The following SLC1A2 variants were observed in gnomAD, a reference collection of about 807,000 sequenced individuals.
SLC1A2 encodes solute carrier family 1 member 2, also known as excitatory amino acid transporter 2.
In SLC1A2, 15 loss-of-function variants were observed where a neutral mutation model predicts 48.8. That is an observed-to-expected ratio of 0.31 (90% CI 0.21 to 0.47). The LOEUF (loss-of-function observed/expected upper bound fraction) is 0.47. SLC1A2 is among the 20% of genes least tolerant of loss of function. The probability of loss-of-function intolerance (pLI) is 0.99; values close to 1 mark genes in which losing one functional copy is unlikely to be tolerated. For missense variants in SLC1A2, 502 were observed against 730.5 expected (o/e 0.69, Z 3.61); for synonymous variants, 279 against 272.6 (o/e 1.02, Z -0.23).
intron 1 of SLC1A2, among the ~76,000 whole-genome samples, chr11:35,345,625 T>C (rs915493369): frequency 6.6e-5 from 10 of 152,052 alleles, no homozygotes; most frequent in African/African-American, 1.7e-4. Flanking sequence ...AATCACACCA[T>C]GAAATACCCA....
At chr11:35,292,623 G>T in intron 6 of SLC1A2, 103 bp from the exon 7 acceptor site, 1 of 653,474 alleles carries the variant, frequency 1.5e-6, no homozygotes, top group Non-Finnish European at 2.6e-6. Context: ...TGGCTCTTCT[G>T]TACAAAAAAA....
At chr11:35,352,965 G>A (rs12294219) in intron 1 of SLC1A2, among the ~76,000 whole-genome samples, 34,087 of 152,034 alleles carry the variant, frequency 0.22, 5,699 homozygotes, top group African/African-American at 0.47. Flanking sequence ...CAATATAAAA[G>A]CAATGACAAT....
At chr11:35,278,450 T>C (rs764095813) in intron 9 of SLC1A2, among the ~76,000 whole-genome samples, 2 of 151,900 alleles carry the variant, frequency 1.3e-5, no homozygotes, top group African/African-American at 4.8e-5. Flanking sequence ...TAATTATTTT[T>C]GCATTTTTGG....
intron 9 of SLC1A2, among the ~76,000 whole-genome samples, chr11:35,270,071 C>A (rs536479942): frequency 6.6e-6 from 1 of 152,174 alleles, no homozygotes; most frequent in Non-Finnish European, 1.5e-5. Context: ...TGTGCCATTG[C>A]ACTCCAGCCT....
intron 8 of SLC1A2, chr11:35,285,576 A>T (rs1483123820): frequency 6.6e-6 from 1 of 152,196 alleles, no homozygotes; most frequent in Non-Finnish European, 1.5e-5. Context: ...GATCACATAG[A>T]ATCTGAGAGG....
chr11:35,409,661 C>A (rs1264922798), intron 1 of SLC1A2, among the ~76,000 whole-genome samples: 1 of 152,150 alleles, frequency 6.6e-6, no homozygotes, highest in Non-Finnish European at 1.5e-5. Context: ...ATAATCTCAG[C>A]ACTTTGGGAG....
intron 1 of SLC1A2, among the ~76,000 whole-genome samples, chr11:35,324,420 G>C (rs1852173989): frequency 6.6e-6 from 1 of 152,156 alleles, no homozygotes; most frequent in African/African-American, 2.4e-5. Flanking sequence ...TAGTCATTTG[G>C]ACAAACCATG....
chr11:35,292,107 A>G, intron 7 of SLC1A2, 180 bp downstream of exon 7: 1 of 603,980 alleles, frequency 1.7e-6, no homozygotes, highest in Non-Finnish European at 3.0e-6. Context: ...GTTCACCAGA[A>G]GGCTCAGAAG....
chr11:35,276,540 G>T (rs1257053165), intron 9 of SLC1A2, among the ~76,000 whole-genome samples: 1 of 152,130 alleles, frequency 6.6e-6, no homozygotes, highest in African/African-American at 2.4e-5. Flanking sequence ...GCAAGTGTAA[G>T]CATGTGAGCA....
intron 9 of SLC1A2, among the ~76,000 whole-genome samples, chr11:35,268,011 T>C (rs536880857): frequency 6.6e-6 from 1 of 152,316 alleles, no homozygotes; most frequent in East Asian, 1.9e-4. Context: ...CTCTTTTCCC[T>C]CCAGTCTGCA....
chr11:35,411,542 A>G (rs1855461125), intron 1 of SLC1A2, among the ~76,000 whole-genome samples: 1 of 152,086 alleles, frequency 6.6e-6, no homozygotes, highest in Non-Finnish European at 1.5e-5. Context: ...TGCAGCCCCC[A>G]ACTCCCACGC....
intron 1 of SLC1A2, among the ~76,000 whole-genome samples, chr11:35,366,211 A>G (rs1319053787): frequency 6.6e-6 from 1 of 152,202 alleles, no homozygotes; most frequent in Non-Finnish European, 1.5e-5. Flanking sequence ...ATCCCTGAAG[A>G]CGTCCTTTGC....
At chr11:35,311,551 C>G (rs1851688460) in intron 4 of SLC1A2, among the ~76,000 whole-genome samples, 1 of 152,166 alleles carries the variant, frequency 6.6e-6, no homozygotes, top group African/African-American at 2.4e-5. Flanking sequence ...ATAAGTAGCT[C>G]TAGAGAAGGG....
chr11:35,289,093 T>C (rs2134730486), intron 7 of SLC1A2, among the ~76,000 whole-genome samples: 1 of 152,352 alleles, frequency 6.6e-6, no homozygotes, highest in Admixed American at 6.5e-5. Context: ...ATGCTTCTTT[T>C]GTTTTTTAAG....
intron 1 of SLC1A2, among the ~76,000 whole-genome samples, chr11:35,357,167 G>T (rs1208138320): frequency 1.3e-5 from 2 of 151,372 alleles, no homozygotes; most frequent in Non-Finnish European, 2.9e-5. Context: ...TGAGGCAGGA[G>T]AATTGCTTGA....
At chr11:35,360,678 G>A (rs1853647504) in intron 1 of SLC1A2, among the ~76,000 whole-genome samples, 1 of 151,960 alleles carries the variant, frequency 6.6e-6, no homozygotes, top group Non-Finnish European at 1.5e-5. Flanking sequence ...ATTTACTCCT[G>A]GATTTTGTGG....
At chr11:35,351,136 A>G (rs1286912313) in intron 1 of SLC1A2, among the ~76,000 whole-genome samples, 4 of 152,226 alleles carry the variant, frequency 2.6e-5, no homozygotes, top group Non-Finnish European at 5.9e-5. Context: ...CCAGTGAAAT[A>G]CATAATACCA....
At chr11:35,322,879 C>T in intron 1 of SLC1A2, 1 of 634,288 alleles carries the variant, frequency 1.6e-6, no homozygotes, top group Non-Finnish European at 2.8e-6. Context: ...TTTAAAAGGG[C>T]CTGAAACTCT....
At chr11:35,415,510 T>C (rs1254147152) in intron 1 of SLC1A2, among the ~76,000 whole-genome samples, 1 of 152,216 alleles carries the variant, frequency 6.6e-6, no homozygotes, top group East Asian at 1.9e-4. Context: ...CAAACCCCTC[T>C]AGACCATAAG....
Sources: allele counts gnomAD v4.1 joint callset (sites outside exome capture counted in the v4.1 genomes callset), GRCh38; gene constraint gnomAD v4.1.1; transcripts MANE v1.5; gene names NCBI Gene and HGNC (gene_info 2026-07-23, HGNC 2026-07-21).